ZBTB20: variants seen among roughly 807,000 people sequenced by gnomAD.
The protein encoded by ZBTB20 is zinc finger and BTB domain containing 20, also known as zinc finger and BTB domain-containing protein 20.
ZBTB20 carries 9 observed loss-of-function variants against 56.9 expected under a neutral mutation model. That is an observed-to-expected ratio of 0.16 (90% CI 0.10 to 0.28). The LOEUF (loss-of-function observed/expected upper bound fraction) is 0.28, where lower values mean the gene tolerates loss of function less well. Ranked by LOEUF, ZBTB20 falls within the 10% of genes least tolerant of loss-of-function variation. The probability of loss-of-function intolerance (pLI) is 1.00; values close to 1 mark genes in which losing one functional copy is unlikely to be tolerated. For missense variants in ZBTB20, 655 were observed against 1,003.0 expected (o/e 0.65, Z 4.69); for synonymous variants, 417 against 420.7 (o/e 0.99, Z 0.11).
intron 4 of ZBTB20, among the ~76,000 whole-genome samples, chr3:114,892,419 C>T (rs1272037027): frequency 6.6e-6 from 1 of 152,182 alleles, no homozygotes; most frequent in Admixed American, 6.5e-5. Context: ...ACCTGATCAC[C>T]ATTATACTCC....
chr3:114,465,135 G>C (rs2092488858), intron 7 of ZBTB20, among the ~76,000 whole-genome samples: 1 of 151,662 alleles, frequency 6.6e-6, no homozygotes, highest in Non-Finnish European at 1.5e-5. Context: ...ATAGGTAAGA[G>C]ATATTTTATT....
rs139549328 is a variant in ZBTB20, at chr3:114,742,777, C to T, written c.-342-49202G>A. 8.7e-3 allele frequency among the ~76,000 whole-genome samples: 1,318 copies of T among 152,244 alleles called. 15 individuals are homozygous for T. The highest frequency in any genetic ancestry group is 0.011 in the Non-Finnish European group (721 of 68,016). On this transcript the variant is annotated intron_variant, in intron 5 of 11. Coordinates refer to ENST00000675478, the MANE Select transcript of ZBTB20 (RefSeq NM_001348800.3). ...GGCAAGCTTTTAAAACCTACTGATA[C>T]TCAGACCCTACCCCAGAACAATTAA... is the stretch of plus-strand genomic sequence containing the variant.
At chr3:115,050,811 T>C (rs1041957971) in intron 2 of ZBTB20, among the ~76,000 whole-genome samples, 25 of 152,152 alleles carry the variant, frequency 1.6e-4, no homozygotes, top group African/African-American at 6.0e-4. Flanking sequence ...AATATCACTG[T>C]GTAGTTTTCC....
chr3:115,027,928 T>TA (rs1216135291), intron 2 of ZBTB20, among the ~76,000 whole-genome samples: 12 of 150,830 alleles, frequency 8.0e-5, no homozygotes, highest in Non-Finnish European at 1.5e-4. Flanking sequence ...CAAAAATTGA[T>TA]AGATAAAATT....
intron 10 of ZBTB20, among the ~76,000 whole-genome samples, chr3:114,369,536 T>C (rs984319127): frequency 2.0e-5 from 3 of 152,366 alleles, no homozygotes; most frequent in Non-Finnish European, 4.4e-5. Flanking sequence ...TAGAACAAAG[T>C]ATCGTTTGAT....
chr3:114,507,840 T>C (rs1369246446), intron 6 of ZBTB20, among the ~76,000 whole-genome samples: 1 of 152,124 alleles, frequency 6.6e-6, no homozygotes, highest in Admixed American at 6.6e-5. Flanking sequence ...TAAAAAGAAA[T>C]AAGCAATACA....
At chr3:114,896,671 A>G (rs1560374300) in intron 4 of ZBTB20, among the ~76,000 whole-genome samples, 1 of 152,090 alleles carries the variant, frequency 6.6e-6, no homozygotes, top group Admixed American at 6.6e-5. Flanking sequence ...AAAGTGTTAT[A>G]TAGAGATGTA....
intron 1 of ZBTB20, among the ~76,000 whole-genome samples, chr3:115,071,845 C>A (rs2082420408): frequency 6.6e-6 from 1 of 152,092 alleles, no homozygotes; most frequent in South Asian, 2.1e-4. Flanking sequence ...CGAAGAGGAT[C>A]ATCCAAACTC....
At chr3:114,376,671 C>A (rs2083670843) in intron 10 of ZBTB20, among the ~76,000 whole-genome samples, 1 of 152,090 alleles carries the variant, frequency 6.6e-6, no homozygotes. Context: ...AACCCACCCA[C>A]ACAACAGTTT....
intron 1 of ZBTB20, among the ~76,000 whole-genome samples, chr3:115,084,334 A>C (rs1272985930): frequency 6.6e-6 from 1 of 151,572 alleles, no homozygotes; most frequent in African/African-American, 2.4e-5. Flanking sequence ...AAAAGTTGAA[A>C]ACCTAACAGA....
chr3:114,756,631 C>T (rs1031061800), intron 5 of ZBTB20, among the ~76,000 whole-genome samples: 60 of 152,050 alleles, frequency 3.9e-4, no homozygotes, highest in African/African-American at 7.2e-5. Context: ...TAAGTAAATA[C>T]TTTTCATTAA....
At position 114,350,670 on chromosome 3, in the gene ZBTB20, A is replaced by G; in HGVS notation, c.1408T>C (p.Leu470=). 6.2e-7 allele frequency: 1 copy of G among 1,614,154 alleles called. No homozygotes were observed. Among genetic ancestry groups the G allele is most frequent in the Non-Finnish European group, 8.5e-7 (1 of 1,180,022 alleles). Residue 470 remains leucine, a synonymous_variant, in exon 11 of 12, where the codon TTG becomes CTG. Transcript: ENST00000675478. ...CGTAAGTAGAGCTGGGTACTTGGCA[A>G]TGGCTGCCCGATGGACGTGTTGACC... The part of the protein sequence containing the change: ...PSVNTSIGQP[L]PSTQLYLRQT...
At chr3:114,507,967 A>G (rs1250224963) in intron 6 of ZBTB20, among the ~76,000 whole-genome samples, 1 of 152,142 alleles carries the variant, frequency 6.6e-6, no homozygotes, top group Non-Finnish European at 1.5e-5. Context: ...TGAATCTACT[A>G]AGGCTTTAAC....
At chr3:114,863,082 T>C (rs368415497) in intron 4 of ZBTB20, among the ~76,000 whole-genome samples, 2 of 152,176 alleles carry the variant, frequency 1.3e-5, no homozygotes, top group Non-Finnish European at 2.9e-5. Flanking sequence ...CAGTGACTTC[T>C]GTTTGTTTTT....
intron 4 of ZBTB20, among the ~76,000 whole-genome samples, chr3:114,878,668 C>A (rs568938222): frequency 6.6e-6 from 1 of 151,784 alleles, no homozygotes; most frequent in South Asian, 2.1e-4. Context: ...GGGTGAGTCA[C>A]TATGACTCTT....
At position 114,498,947 on chromosome 3, in the gene ZBTB20, C is replaced by T. The variant is rs181610374; in HGVS notation, c.-255+1405G>A. 7.2e-5 allele frequency among the ~76,000 whole-genome samples: 11 copies of T among 152,264 alleles called. No individual in the cohort carries two copies. The East Asian group carries it at 1.7e-3, about 24-fold the overall frequency. On this transcript the variant is annotated intron_variant, in intron 7 of 11. Transcript: ENST00000675478. ...AGGAGTGCACTGTGCTGACTCATCC[C>T]GGTGATGTGAGGATTAATGCCTTGT...
chr3:114,534,306 T>C (rs866007452), intron 6 of ZBTB20, among the ~76,000 whole-genome samples: 4 of 150,656 alleles, frequency 2.7e-5, no homozygotes, highest in South Asian at 2.1e-4. Context: ...ACCAAGCAAA[T>C]GGAAAGCAAA....
At chr3:114,875,743 T>G (rs781005349) in intron 4 of ZBTB20, among the ~76,000 whole-genome samples, 13 of 152,118 alleles carry the variant, frequency 8.5e-5, no homozygotes, top group Admixed American at 2.6e-4. Context: ...TTTTGGAACC[T>G]CAGTTCCCTC....
intron 3 of ZBTB20, among the ~76,000 whole-genome samples, chr3:114,941,097 C>T (rs2076708993): frequency 6.8e-6 from 1 of 146,354 alleles, no homozygotes; most frequent in Admixed American, 6.6e-5. Flanking sequence ...TCATATTTAT[C>T]ACCTGGAAAA....
Sources: gnomAD v4.1 joint callset for allele counts (sites outside exome capture counted in the v4.1 genomes callset) on GRCh38, gnomAD v4.1.1 for gene constraint, MANE v1.5 for transcripts, NCBI Gene and HGNC (gene_info 2026-07-23, HGNC 2026-07-21) for gene names.